The following ZDHHC14 variants were observed in gnomAD, a reference collection of about 807,000 sequenced individuals.
ZDHHC14 encodes zDHHC palmitoyltransferase 14, also known as palmitoyltransferase ZDHHC14.
Under a neutral mutation model 47.7 loss-of-function variants are expected in ZDHHC14, and 16 were observed. The ratio of observed to expected loss-of-function variants is 0.34; its 90% CI spans 0.23 to 0.51. ZDHHC14 has a LOEUF of 0.51. ZDHHC14 is among the 20% of genes least tolerant of loss of function. ZDHHC14 has a pLI of 0.97. For synonymous variants in ZDHHC14, 293 were observed against 278.9 expected, an observed-to-expected ratio of 1.05 and a Z score of -0.50; for missense variants, 515 against 662.5, an observed-to-expected ratio of 0.78 and a Z score of 2.44.
rs373529377 is a variant in ZDHHC14, at chr6:157,672,726, C to T, written c.1071C>T (p.Cys357=). 65 of 1,560,854 alleles carry T rather than the reference C, an allele frequency of 4.2e-5. 1 individual carries two copies. Among genetic ancestry groups the T allele is most frequent in the East Asian group, 2.8e-4 (11 of 39,984 alleles). Residue 357 remains cysteine (C), a splice_region_variant and synonymous_variant, in exon 9 of 9, where the codon TGC becomes TGT. Transcript: ENST00000359775. ...YGATQSQSDM[C]DQDQCIQSTK... is the part of the protein sequence containing the mutation. The stretch of plus-strand genomic sequence containing the variant: ...TGCTGGCGCCTCCCGCTCTCCAGTG[C>T]GACCAAGACCAGTGCATTCAGAGCA...
At chr6:157,563,915 C>T (rs1261622925) in intron 2 of ZDHHC14, among the ~76,000 whole-genome samples, 1 of 152,238 alleles carries the variant, frequency 6.6e-6, no homozygotes, top group East Asian at 1.9e-4. Flanking sequence ...ATTCAGTCAT[C>T]CCCAAATCTA....
chr6:157,527,290 G>A (rs1212543253), intron 1 of ZDHHC14, among the ~76,000 whole-genome samples: 1 of 152,168 alleles, frequency 6.6e-6, no homozygotes, highest in Non-Finnish European at 1.5e-5. Flanking sequence ...GAGCTCCCCA[G>A]CTCCTGTTTC....
At chr6:157,645,401 C>T (rs1489229278) in intron 5 of ZDHHC14, among the ~76,000 whole-genome samples, 1 of 152,172 alleles carries the variant, frequency 6.6e-6, no homozygotes, top group Admixed American at 6.5e-5. Flanking sequence ...CAGGATGCCA[C>T]AGTCGCTGGC....
chr6:157,486,996 G>A (rs1011359500), intron 1 of ZDHHC14, among the ~76,000 whole-genome samples: 1 of 152,224 alleles, frequency 6.6e-6, no homozygotes, highest in Admixed American at 6.5e-5. Flanking sequence ...CAGCACTTTT[G>A]CAAGTGAAGA....
At chr6:157,645,378 T>A (rs1777472980) in intron 5 of ZDHHC14, among the ~76,000 whole-genome samples, 1 of 152,122 alleles carries the variant, frequency 6.6e-6, no homozygotes, top group Non-Finnish European at 1.5e-5. Context: ...CTCAAACCAG[T>A]GTGCTTCCTG....
chr6:157,593,198 T>C (rs1582990493), intron 3 of ZDHHC14, 52 bp downstream of exon 3: 1 of 1,565,220 alleles, frequency 6.4e-7, no homozygotes, highest in African/African-American at 1.4e-5. Context: ...TCCGGGTGGG[T>C]TTGCGCCTCT....
intron 1 of ZDHHC14, among the ~76,000 whole-genome samples, chr6:157,471,459 A>C (rs1779353747): frequency 6.6e-6 from 1 of 152,138 alleles, no homozygotes; most frequent in Non-Finnish European, 1.5e-5. Context: ...CGAGGAAAGG[A>C]AATTTGCACT....
At chr6:157,626,073 C>G (rs143996932) in intron 3 of ZDHHC14, among the ~76,000 whole-genome samples, 1 of 152,294 alleles carries the variant, frequency 6.6e-6, no homozygotes, top group East Asian at 1.9e-4. Flanking sequence ...AAAATACAAC[C>G]TGCCTGCTAT....
intron 1 of ZDHHC14, among the ~76,000 whole-genome samples, chr6:157,480,517 T>C (rs1433993077): frequency 6.6e-6 from 1 of 152,220 alleles, no homozygotes; most frequent in Admixed American, 6.6e-5. Flanking sequence ...TCCACCCACC[T>C]CAGCCTTCCT....
intron 1 of ZDHHC14, among the ~76,000 whole-genome samples, chr6:157,526,487 G>A (rs891794326): frequency 6.6e-6 from 1 of 152,144 alleles, no homozygotes; most frequent in Non-Finnish European, 1.5e-5. Context: ...TGGTCTACTC[G>A]GTCTTGACAA....
In ZDHHC14 at chr6:157,674,840, A is replaced by G. The variant is rs1241567439; in HGVS notation, c.*1718A>G. 6.6e-6 allele frequency: 1 copy of G among 152,200 alleles called. No homozygotes were observed. Among genetic ancestry groups the G allele is most frequent in the Non-Finnish European group, 1.5e-5 (1 of 68,036 alleles). 9.4% of individuals were successfully genotyped at this position (152,200 alleles called of 1,614,324 possible). A position where few individuals can be genotyped will look rare whatever the true frequency, so the allele number is the denominator to read the frequency against. On this transcript the variant is annotated 3_prime_UTR_variant, in exon 9 of 9. Coordinates refer to ENST00000359775, the MANE Select transcript of ZDHHC14 (RefSeq NM_024630.3). Reference sequence around the variant, plus strand: ...ACTGTGATGTCTTCGAGCCATCTTTATTGTCATGCTGCATGCACGTATAGA... The same window carrying G: ...ACTGTGATGTCTTCGAGCCATCTTTGTTGTCATGCTGCATGCACGTATAGA...
intron 1 of ZDHHC14, among the ~76,000 whole-genome samples, chr6:157,433,353 A>T (rs1562422985): frequency 6.6e-6 from 1 of 152,250 alleles, no homozygotes; most frequent in Non-Finnish European, 1.5e-5. Context: ...GTTTAAATAA[A>T]AAAAATTGTA....
intron 1 of ZDHHC14, among the ~76,000 whole-genome samples, chr6:157,439,011 C>T (rs1778504801): frequency 6.6e-6 from 1 of 152,284 alleles, no homozygotes; most frequent in African/African-American, 2.4e-5. Flanking sequence ...ATATTGCCAA[C>T]AAAGAGTTTT....
chr6:157,658,391 T>A (rs536831219), intron 8 of ZDHHC14, among the ~76,000 whole-genome samples: 1 of 152,192 alleles, frequency 6.6e-6, no homozygotes, highest in African/African-American at 2.4e-5. Context: ...ACCAGGAGAT[T>A]AGGAGGGCAG....
chr6:157,601,353 T>A, intron 3 of ZDHHC14, among the ~76,000 whole-genome samples: 1 of 152,184 alleles, frequency 6.6e-6, no homozygotes, highest in South Asian at 2.1e-4. Context: ...AATGTGGTAA[T>A]GTAGGAAAAT....
intron 1 of ZDHHC14, among the ~76,000 whole-genome samples, chr6:157,480,085 T>C (rs1323127106): frequency 6.6e-6 from 1 of 152,038 alleles, no homozygotes; most frequent in African/African-American, 2.4e-5. Flanking sequence ...AAGTGAACTG[T>C]TTGATAGGTG....
At position 157,617,391 on chromosome 6, in the gene ZDHHC14, T is replaced by C. The variant is rs187739897; in HGVS notation, c.566-10958T>C. Among the ~76,000 whole-genome samples the C allele has an allele frequency of 9.8e-5, 15 of 152,288 alleles. No homozygotes were observed. In the East Asian group the frequency reaches 2.9e-3, roughly 29 times the overall value. ...TTTTCCAGAGGGTCCTCGTTCTTTT[T>C]GAATTTTTTAAAAAATGGGTTCTGC... On this transcript the variant is annotated intron_variant, in intron 3 of 8. Coordinates refer to ENST00000359775, the MANE Select transcript of ZDHHC14 (RefSeq NM_024630.3).
At chr6:157,568,833 AT>A (rs1367550694) in intron 2 of ZDHHC14, among the ~76,000 whole-genome samples, 2 of 152,138 alleles carry the variant, frequency 1.3e-5, no homozygotes, top group Non-Finnish European at 2.9e-5. Context: ...CTTGTTTGAA[AT>A]TGGGGGTTGG....
In ZDHHC14 at chr6:157,640,470, C is replaced by T. The variant is rs149915658; in HGVS notation, c.753-5267C>T. On this transcript the variant is annotated intron_variant, in intron 5 of 8. Coordinates refer to ENST00000359775, the MANE Select transcript of ZDHHC14 (RefSeq NM_024630.3). ...AAAGGACACCACAACGGGAAAATCA[C>T]GAAGGCAGCACAGGTCTTTTCCAAC... Among the ~76,000 whole-genome samples the T allele has an allele frequency of 3.7e-3, 562 of 152,282 alleles. 4 individuals carry two copies. Among genetic ancestry groups the T allele is most frequent in the African/African-American group, 0.012 (515 of 41,564 alleles).
Sources: allele counts gnomAD v4.1 joint callset (sites outside exome capture counted in the v4.1 genomes callset), GRCh38; gene constraint gnomAD v4.1.1; transcripts MANE v1.5; gene names NCBI Gene and HGNC (gene_info 2026-07-23, HGNC 2026-07-21).